Variants in NRG4 observed in about 807,000 individuals in gnomAD.
NRG4 encodes the protein pro-neuregulin-4, membrane-bound isoform.
A neutral mutation model predicts 15.0 loss-of-function variants in NRG4; 10 were observed. That is an observed-to-expected ratio of 0.67 (90% confidence interval 0.41 to 1.13). The LOEUF (loss-of-function observed/expected upper bound fraction) is 1.13, where lower values mean the gene tolerates loss of function less well. Ranked by LOEUF, NRG4 falls within the 50% of genes most tolerant of loss-of-function variation. The pLI, the probability that NRG4 is intolerant of heterozygous loss-of-function variation, is 0.00. For synonymous variants in NRG4, 41 were observed against 50.1 expected (o/e 0.82, Z 0.77); for missense variants, 139 against 140.2 (o/e 0.99, Z 0.04).
At chr15:75,982,778 T>C (rs1161483759) in intron 3 of NRG4, among the ~76,000 whole-genome samples, 2 of 152,134 alleles carry the variant, frequency 1.3e-5, no homozygotes, top group African/African-American at 2.4e-5. Context: ...CCATGAATGC[T>C]GAAAGAGTAG....
chr15:75,943,785 G>T, intron 5 of NRG4, 131 bp from the exon 6 acceptor site: 1 of 617,890 alleles, frequency 1.6e-6, no homozygotes. Context: ...AGGATGTGTT[G>T]AGGTAAACTA....
intron 3 of NRG4, among the ~76,000 whole-genome samples, chr15:75,998,851 A>C (rs1269494182): frequency 6.6e-6 from 1 of 152,218 alleles, no homozygotes; most frequent in East Asian, 1.9e-4. Context: ...AGCATCATAA[A>C]GAAACTTTCC....
intron 4 of NRG4, among the ~76,000 whole-genome samples, chr15:76,050,213 C>T (rs1251899411): frequency 6.6e-6 from 1 of 150,870 alleles, no homozygotes; most frequent in African/African-American, 2.5e-5. Context: ...AAGCTTTTCT[C>T]AGCAGATGTT....
intron 3 of NRG4, among the ~76,000 whole-genome samples, chr15:75,996,096 C>A (rs1452450278): frequency 6.6e-6 from 1 of 152,214 alleles, no homozygotes; most frequent in African/African-American, 2.4e-5. Flanking sequence ...TGGCTCACAT[C>A]AACTCAAGCC....
At chr15:75,953,254 C>T (rs1182020873) in intron 5 of NRG4, among the ~76,000 whole-genome samples, 1 of 152,150 alleles carries the variant, frequency 6.6e-6, no homozygotes. Flanking sequence ...GTTTTTCCAG[C>T]ACCATTTGTT....
chr15:76,032,972 C>T (rs1480883895), intron 5 of NRG4, among the ~76,000 whole-genome samples: 2 of 152,180 alleles, frequency 1.3e-5, no homozygotes, highest in Non-Finnish European at 2.9e-5. Context: ...ACCTATCATA[C>T]TGGACTCAGC....
upstream of NRG4, among the ~76,000 whole-genome samples, chr15:76,017,155 CTTTTT>C (rs66838505): frequency 0.034 from 1,770 of 52,296 alleles, 24 homozygotes; most frequent in African/African-American, 0.091. Context: ...CAACCCCTGC[CTTTTT>C]TTTTTTTTTT....
chr15:75,944,766 T>G lies in NRG4; in HGVS notation c.332-1112A>C, dbSNP rs962168621. Among the ~76,000 whole-genome samples the G allele has an allele frequency of 1.3e-3, 189 of 147,860 alleles. 1 individual carries two copies. The highest frequency in any genetic ancestry group is 4.5e-3 in the African/African-American group (178 of 39,434). ...TTAGTAAAAGGCTTTTGTGTGTGTG[T>G]GTGGGGGGGTGGTTATTTGCTTATA... On this transcript the variant is annotated intron_variant, in intron 5 of 5. Transcript: ENST00000394907.
At chr15:76,057,030 A>G (rs545315026) in intron 1 of NRG4, 1 of 152,352 alleles carries the variant, frequency 6.6e-6, no homozygotes, top group East Asian at 1.9e-4. Context: ...CTGGCAAGGA[A>G]GTGATATACC....
intron 2 of NRG4, among the ~76,000 whole-genome samples, chr15:76,055,282 C>CA (rs71444953): frequency 2.2e-4 from 34 of 151,756 alleles, no homozygotes; most frequent in African/African-American, 8.2e-4. Flanking sequence ...AGCCCTGTCT[C>CA]AAAAAAAATT....
intron 3 of NRG4, among the ~76,000 whole-genome samples, chr15:75,990,416 G>C (rs1379472425): frequency 6.6e-6 from 1 of 152,128 alleles, no homozygotes; most frequent in African/African-American, 2.4e-5. Flanking sequence ...CGGAAGATTA[G>C]AGGGATCTCT....
chr15:76,001,181 T>G (rs1330759043), intron 3 of NRG4, among the ~76,000 whole-genome samples: 1 of 151,968 alleles, frequency 6.6e-6, no homozygotes, highest in East Asian at 1.9e-4. Context: ...TTGGTAAAGA[T>G]GAGGTCTTAC....
intron 5 of NRG4, among the ~76,000 whole-genome samples, chr15:75,946,478 C>T (rs1595939357): frequency 6.6e-6 from 1 of 152,198 alleles, no homozygotes; most frequent in African/African-American, 2.4e-5. Context: ...CTGCCTCAGC[C>T]TCCCAAGTAG....
chr15:75,980,653 C>T (rs994591821), intron 3 of NRG4, among the ~76,000 whole-genome samples: 1 of 152,030 alleles, frequency 6.6e-6, no homozygotes, highest in Non-Finnish European at 1.5e-5. Context: ...TTTTCTGTTG[C>T]CACATAGCAT....
At chr15:76,042,904 T>G (rs1366161499) in intron 4 of NRG4, among the ~76,000 whole-genome samples, 1 of 152,102 alleles carries the variant, frequency 6.6e-6, no homozygotes, top group Non-Finnish European at 1.5e-5. Context: ...GCAAAAATCT[T>G]CAACACAATA....
chr15:76,037,904 G>C (rs1056742936), intron 4 of NRG4, among the ~76,000 whole-genome samples: 1 of 152,156 alleles, frequency 6.6e-6, no homozygotes, highest in Non-Finnish European at 1.5e-5. Flanking sequence ...TTGGACACCA[G>C]CTCAGCCACA....
intron 5 of NRG4, among the ~76,000 whole-genome samples, chr15:75,954,159 T>A (rs2032080820): frequency 6.6e-6 from 1 of 152,188 alleles, no homozygotes; most frequent in African/African-American, 2.4e-5. Flanking sequence ...AAAAATTTTC[T>A]TTCTGCATTT....
chr15:76,023,483 C>T (rs1239299974), intron 5 of NRG4, among the ~76,000 whole-genome samples: 1 of 152,192 alleles, frequency 6.6e-6, no homozygotes, highest in Non-Finnish European at 1.5e-5. Context: ...AGGTGAATCC[C>T]ACAGTCATCC....
intron 3 of NRG4, among the ~76,000 whole-genome samples, chr15:76,007,511 G>A (rs572979831): frequency 3.4e-5 from 5 of 149,006 alleles, no homozygotes; most frequent in African/African-American, 7.4e-5. Context: ...CTCACTGCAA[G>A]CTCCACCTCC....
Sources: allele counts gnomAD v4.1 joint callset (sites outside exome capture counted in the v4.1 genomes callset), GRCh38; gene constraint gnomAD v4.1.1; transcripts MANE v1.5; gene names NCBI Gene and HGNC (gene_info 2026-07-23, HGNC 2026-07-21).